Variants in RYR3 observed in about 807,000 individuals in gnomAD.
The protein encoded by RYR3 is brain ryanodine receptor-calcium release channel.
RYR3 carries 207 observed loss-of-function variants against 584.3 expected under a neutral mutation model. The ratio of observed to expected loss-of-function variants is 0.35; its 90% CI spans 0.32 to 0.40. RYR3 has a LOEUF of 0.40. RYR3 is among the 10% of genes least tolerant of loss of function. The probability of loss-of-function intolerance (pLI) is 1.00; values close to 1 mark genes in which losing one functional copy is unlikely to be tolerated. For synonymous variants in RYR3, 2,416 were observed against 2,248.5 expected (o/e 1.07, Z -2.11); for missense variants, 5,616 against 6,089.2 (o/e 0.92, Z 2.59).
At chr15:33,527,083 C>T (rs970448404) in intron 3 of RYR3, among the ~76,000 whole-genome samples, 3 of 151,938 alleles carry the variant, frequency 2.0e-5, no homozygotes, top group South Asian at 2.1e-4. Flanking sequence ...TGATGGAGAG[C>T]GTGCTGCTGG....
intron 8 of RYR3, among the ~76,000 whole-genome samples, chr15:33,544,689 T>C (rs2056104033): frequency 6.6e-6 from 1 of 151,284 alleles, no homozygotes; most frequent in Non-Finnish European, 1.5e-5. Flanking sequence ...AAAGCACCCA[T>C]TGGCAATGTG....
chr15:33,421,226 T>A (rs754930988), intron 1 of RYR3, among the ~76,000 whole-genome samples: 1 of 152,134 alleles, frequency 6.6e-6, no homozygotes, highest in Non-Finnish European at 1.5e-5. Context: ...AGAGGACAGA[T>A]ATTAGAAGAT....
At chr15:33,359,682 G>A (rs1396235569) in intron 1 of RYR3, among the ~76,000 whole-genome samples, 8 of 151,766 alleles carry the variant, frequency 5.3e-5, no homozygotes, top group Admixed American at 2.6e-4. Context: ...GCAGTGGCGC[G>A]ATCTCGGCTC....
At chr15:33,328,118 G>C (rs1969954471) in intron 1 of RYR3, among the ~76,000 whole-genome samples, 2 of 152,120 alleles carry the variant, frequency 1.3e-5, no homozygotes, top group African/African-American at 4.8e-5. Flanking sequence ...TTCACCTATA[G>C]CATGTGCCAA....
intron 1 of RYR3, among the ~76,000 whole-genome samples, chr15:33,391,675 A>G (rs997872656): frequency 2.0e-5 from 3 of 152,164 alleles, no homozygotes; most frequent in African/African-American, 7.2e-5. Context: ...AAATAGGCCG[A>G]ATAAATAAAT....
chr15:33,378,344 C>T (rs2040905044), intron 1 of RYR3, among the ~76,000 whole-genome samples: 1 of 152,168 alleles, frequency 6.6e-6, no homozygotes, highest in African/African-American at 2.4e-5. Flanking sequence ...GTCCCAGCCT[C>T]CTATCATTTT....
chr15:33,417,149 C>T (rs1304353588), intron 1 of RYR3, among the ~76,000 whole-genome samples: 2 of 151,956 alleles, frequency 1.3e-5, no homozygotes, highest in Non-Finnish European at 2.9e-5. Context: ...TTTCTTTTTG[C>T]TTAGGCTTGC....
chr15:33,495,773 C>T (rs553232638), intron 2 of RYR3, among the ~76,000 whole-genome samples: 1 of 152,262 alleles, frequency 6.6e-6, no homozygotes, highest in Non-Finnish European at 1.5e-5. Flanking sequence ...TTCCAGAGGT[C>T]ACAAAGGTAG....
intron 1 of RYR3, among the ~76,000 whole-genome samples, chr15:33,339,814 G>A (rs1056249819): frequency 1.3e-5 from 2 of 151,692 alleles, no homozygotes; most frequent in Non-Finnish European, 2.9e-5. Flanking sequence ...GCGTGAACCC[G>A]GGAGGCGGAG....
intron 2 of RYR3, among the ~76,000 whole-genome samples, chr15:33,498,869 G>T (rs767294716): frequency 1.3e-5 from 2 of 151,992 alleles, no homozygotes; most frequent in African/African-American, 2.4e-5. Context: ...TGTGTGTGGG[G>T]TATTGTTTCA....
intron 1 of RYR3, among the ~76,000 whole-genome samples, chr15:33,418,339 T>A (rs74005622): frequency 0.017 from 2,572 of 152,004 alleles, 71 homozygotes; most frequent in African/African-American, 0.054. Context: ...GTTTTTTTTT[T>A]TTATTATTAT....
intron 1 of RYR3, among the ~76,000 whole-genome samples, chr15:33,353,695 A>G (rs956773120): frequency 1.3e-5 from 2 of 152,132 alleles, no homozygotes; most frequent in Non-Finnish European, 2.9e-5. Context: ...CCCTACCTCT[A>G]AAGTTCTTTG....
At chr15:33,757,661 T>TGTG (rs2071980274) in intron 60 of RYR3, 65 bp downstream of exon 60, 3 of 1,549,970 alleles carry the variant, frequency 1.9e-6, no homozygotes, top group Non-Finnish European at 2.6e-6. Flanking sequence ...GCCAGGTCCC[T>TGTG]GTGGACTAAA....
intron 20 of RYR3, 93 bp downstream of exon 20, chr15:33,624,116 A>C: frequency 1.2e-6 from 1 of 853,060 alleles, no homozygotes; most frequent in Non-Finnish European, 1.9e-6. Context: ...CTTTCTTAAT[A>C]TACATGCTCC....
At chr15:33,360,286 C>T (rs1974583616) in intron 1 of RYR3, among the ~76,000 whole-genome samples, 1 of 145,592 alleles carries the variant, frequency 6.9e-6, no homozygotes, top group Non-Finnish European at 1.5e-5. Flanking sequence ...ATCTCCCACT[C>T]CCAGCCCCAG....
At chr15:33,455,345 T>C (rs2047461889) in intron 1 of RYR3, among the ~76,000 whole-genome samples, 2 of 152,044 alleles carry the variant, frequency 1.3e-5, no homozygotes, top group Non-Finnish European at 2.9e-5. Context: ...TTAGGAGTTA[T>C]AAATAAAGAG....
At chr15:33,839,046 C>T in intron 89 of RYR3, 88 bp downstream of exon 89, 4 of 1,472,282 alleles carry the variant, frequency 2.7e-6, no homozygotes, top group Non-Finnish European at 3.6e-6. Flanking sequence ...CACCATTTCC[C>T]TAGGAGCCAA....
At chr15:33,589,719 G>A (rs1309824404) in intron 16 of RYR3, among the ~76,000 whole-genome samples, 2 of 152,196 alleles carry the variant, frequency 1.3e-5, no homozygotes, top group Non-Finnish European at 1.5e-5. Flanking sequence ...TGAAAAGGGT[G>A]TCCTTTCCAT....
chr15:33,614,074 A>G (rs920637406), intron 19 of RYR3, among the ~76,000 whole-genome samples: 1 of 152,306 alleles, frequency 6.6e-6, no homozygotes, highest in African/African-American at 2.4e-5. Context: ...CTTATCAATA[A>G]CTTTAGAATC....
Sources: gnomAD v4.1 joint callset for allele counts (sites outside exome capture counted in the v4.1 genomes callset) on GRCh38, gnomAD v4.1.1 for gene constraint, MANE v1.5 for transcripts, NCBI Gene and HGNC (gene_info 2026-07-23, HGNC 2026-07-21) for gene names.